Variants in TXNRD1 observed in about 807,000 individuals in gnomAD.
The protein encoded by TXNRD1 is thioredoxin reductase 1, cytoplasmic.
TXNRD1 carries 57 observed loss-of-function variants against 80.3 expected under a neutral mutation model. The ratio of observed to expected loss-of-function variants is 0.71; its 90% CI spans 0.57 to 0.89. TXNRD1 has a LOEUF of 0.89. Ranked by LOEUF, TXNRD1 falls within the 40% of genes least tolerant of loss-of-function variation. The probability of loss-of-function intolerance (pLI) is 0.00; values close to 1 mark genes in which losing one functional copy is unlikely to be tolerated. For missense variants in TXNRD1, 730 were observed against 803.0 expected (o/e 0.91, Z 1.10); for synonymous variants, 291 against 285.2 (o/e 1.02, Z -0.20).
intron 1 of TXNRD1, among the ~76,000 whole-genome samples, chr12:104,244,724 C>T (rs2062451216): frequency 6.6e-6 from 1 of 152,174 alleles, no homozygotes. Flanking sequence ...TTAGCCATTC[C>T]TCTAATGTCA....
chr12:104,230,067 A>C (rs1002103951), intron 1 of TXNRD1, among the ~76,000 whole-genome samples: 7 of 151,266 alleles, frequency 4.6e-5, no homozygotes, highest in Non-Finnish European at 8.8e-5. Flanking sequence ...CTATATGTTT[A>C]ACATTTTTTT....
chr12:104,247,058 T>TTTTGTTTGTTTG (rs142055928), intron 1 of TXNRD1, among the ~76,000 whole-genome samples: 1 of 151,538 alleles, frequency 6.6e-6, no homozygotes, highest in Non-Finnish European at 1.5e-5. Context: ...CATTACAGTT[T>TTTTGTTTGTTTG]TTTGTTTGTT....
chr12:104,244,868 T>C (rs55885681), intron 1 of TXNRD1, among the ~76,000 whole-genome samples: 320 of 152,346 alleles, frequency 2.1e-3, no homozygotes, highest in Non-Finnish European at 3.7e-3. Context: ...GGAGAGAACC[T>C]CTTTGCAGCT....
At chr12:104,330,259 A>T (rs1023705730) in intron 13 of TXNRD1, among the ~76,000 whole-genome samples, 2 of 152,208 alleles carry the variant, frequency 1.3e-5, no homozygotes, top group East Asian at 3.8e-4. Context: ...GCCTCTGTGT[A>T]TAAGTATAAC....
intron 3 of TXNRD1, among the ~76,000 whole-genome samples, chr12:104,260,634 C>T (rs959613058): frequency 1.3e-5 from 2 of 152,166 alleles, no homozygotes; most frequent in Non-Finnish European, 2.9e-5. Flanking sequence ...CCCTTCTATT[C>T]CTTCATCAAG....
intron 1 of TXNRD1, among the ~76,000 whole-genome samples, chr12:104,226,842 C>G (rs774420807): frequency 6.6e-6 from 1 of 152,166 alleles, no homozygotes; most frequent in Non-Finnish European, 1.5e-5. Flanking sequence ...AAGGTAATTT[C>G]CCATGTATTA....
chr12:104,226,671 C>G (rs944155622), intron 1 of TXNRD1, among the ~76,000 whole-genome samples: 29 of 152,158 alleles, frequency 1.9e-4, no homozygotes, highest in African/African-American at 6.5e-4. Flanking sequence ...GCCTTAGTTC[C>G]CTCATTTGCA....
At chr12:104,250,824 A>G (rs1380835508) in intron 1 of TXNRD1, among the ~76,000 whole-genome samples, 1 of 152,074 alleles carries the variant, frequency 6.6e-6, no homozygotes, top group African/African-American at 2.4e-5. Context: ...CCTGAAGAAG[A>G]TGGATAGTTT....
chr12:104,252,690 A>ATTTTTTTT (rs869239974), intron 2 of TXNRD1, among the ~76,000 whole-genome samples: 2 of 39,658 alleles, frequency 5.0e-5, no homozygotes, highest in Admixed American at 4.8e-4. Flanking sequence ...ATATATATAT[A>ATTTTTTTT]TTTTTTTTTT....
At chr12:104,224,817 A>C (rs2032437477) in intron 1 of TXNRD1, 1 of 456,508 alleles carries the variant, frequency 2.2e-6, no homozygotes, top group Non-Finnish European at 4.4e-6. Context: ...TCAACCCAGG[A>C]ATCTCTTTCC....
At chr12:104,275,497 C>T (rs181754177) in intron 3 of TXNRD1, among the ~76,000 whole-genome samples, 2 of 151,940 alleles carry the variant, frequency 1.3e-5, no homozygotes, top group East Asian at 3.9e-4. Flanking sequence ...GATTCTCCTG[C>T]CTCAGCCTCC....
chr12:104,332,020 C>T (rs1157759744), intron 14 of TXNRD1, among the ~76,000 whole-genome samples: 1 of 151,788 alleles, frequency 6.6e-6, no homozygotes, highest in Non-Finnish European at 1.5e-5. Flanking sequence ...GTCAGTTGAC[C>T]CAATCGTATT....
At chr12:104,345,787 A>G (rs2036469160) in intron 16 of TXNRD1, among the ~76,000 whole-genome samples, 1 of 152,146 alleles carries the variant, frequency 6.6e-6, no homozygotes, top group Admixed American at 6.5e-5. Context: ...TTAATAGTCA[A>G]TATAATCCCA....
At chr12:104,348,035 A>G (rs1417405002) in intron 16 of TXNRD1, among the ~76,000 whole-genome samples, 1 of 152,204 alleles carries the variant, frequency 6.6e-6, no homozygotes, top group Non-Finnish European at 1.5e-5. Context: ...TATATCCAAA[A>G]TATTTTATGG....
chr12:104,339,144 T>TGTTGTGGGCTTTCACGTACTGG lies in TXNRD1; in HGVS notation c.1755_1776dup (p.Pro593CysfsTer120), dbSNP rs1432828424. The stretch of plus-strand genomic sequence containing the variant: ...TGTATTTTTTTTTGCCTTAGGAACG[T>TGTTGTGGGCTTTCACGTACTGG]GTTGTGGGCTTTCACGTACTGGGTC... On this transcript the variant is annotated frameshift_variant, in exon 16 of 17. Coordinates refer to ENST00000525566, the MANE Select transcript of TXNRD1 (RefSeq NM_001093771.3). LOFTEE classifies it high-confidence loss of function. The TGTTGTGGGCTTTCACGTACTGG allele has an allele frequency of 6.2e-7, 1 of 1,613,552 alleles. No homozygotes were observed. Among genetic ancestry groups the TGTTGTGGGCTTTCACGTACTGG allele is most frequent in the South Asian group, 1.1e-5 (1 of 91,004 alleles).
chr12:104,337,869 C>T (rs2036190596), intron 15 of TXNRD1, among the ~76,000 whole-genome samples: 1 of 151,490 alleles, frequency 6.6e-6, no homozygotes, highest in African/African-American at 2.4e-5. Context: ...TCACTGCAGC[C>T]TCGACCTCCT....
chr12:104,262,021 T>C (rs2033378287), intron 3 of TXNRD1, among the ~76,000 whole-genome samples: 1 of 148,150 alleles, frequency 6.7e-6, no homozygotes, highest in South Asian at 2.1e-4. Flanking sequence ...CTTTTGGGAT[T>C]ACAGGCGCGA....
chr12:104,249,806 G>T (rs752401947), intron 1 of TXNRD1, among the ~76,000 whole-genome samples: 2 of 151,778 alleles, frequency 1.3e-5, no homozygotes, highest in Non-Finnish European at 2.9e-5. Flanking sequence ...GTGGTGGCAG[G>T]CGCCTGTAGT....
chr12:104,225,263 G>A (rs1038872408), intron 1 of TXNRD1, among the ~76,000 whole-genome samples: 3 of 152,172 alleles, frequency 2.0e-5, no homozygotes, highest in Admixed American at 6.5e-5. Context: ...TTTAATCACT[G>A]CAAGAGGCAA....
Sources: gnomAD v4.1 joint callset for allele counts (sites outside exome capture counted in the v4.1 genomes callset) on GRCh38, gnomAD v4.1.1 for gene constraint, MANE v1.5 for transcripts, NCBI Gene and HGNC (gene_info 2026-07-23, HGNC 2026-07-21) for gene names.